Variants in F11R observed in about 807,000 individuals in gnomAD.
F11R encodes the protein junctional adhesion molecule A.
A neutral mutation model predicts 39.3 loss-of-function variants in F11R; 27 were observed. That is an observed-to-expected ratio of 0.69 (90% CI 0.51 to 0.95). The LOEUF (loss-of-function observed/expected upper bound fraction) is 0.95, where lower values mean the gene tolerates loss of function less well. Among genes scored for constraint, F11R ranks in the 40% least tolerant of loss-of-function variants. F11R has a pLI of 0.00. For missense variants in F11R, 335 were observed against 372.7 expected, an observed-to-expected ratio of 0.90 and a Z score of 0.83; for synonymous variants, 131 against 144.9, an observed-to-expected ratio of 0.90 and a Z score of 0.69.
rs1324894529 is a variant in F11R, at chr1:161,001,130, G to A, written c.134-3C>T. ...GTAGGCACAGGACAACTTCACAGCT[G>A]CAGACAGGGTCAAAATGAGCCGAAG... is the stretch of plus-strand genomic sequence containing the variant. On this transcript the variant is annotated splice_polypyrimidine_tract_variant and splice_region_variant and intron_variant, in intron 2 of 9. Coordinates refer to ENST00000368026, the MANE Select transcript of F11R (RefSeq NM_016946.6). 6.2e-7 allele frequency: 1 copy of A among 1,613,676 alleles called. No individual in the cohort carries two copies.
chr1:161,001,197 A>G lies in F11R; in HGVS notation c.134-70T>C, dbSNP rs576583526. 1.0e-5 allele frequency: 16 copies of G among 1,595,710 alleles called. No homozygotes were observed. In the African/African-American group the frequency reaches 1.7e-4, roughly 17 times the overall value. ...ATACACGAGATGGGGAACAGCCCCA[A>G]ACTGCAGGCTGGGCTGGGTGCTCTC... On this transcript the variant is annotated intron_variant, in intron 2 of 9. Coordinates refer to ENST00000368026, the MANE Select transcript of F11R (RefSeq NM_016946.6).
intron 1 of F11R, among the ~76,000 whole-genome samples, chr1:161,006,569 C>G (rs1370134623): frequency 6.6e-6 from 1 of 152,172 alleles, no homozygotes; most frequent in Non-Finnish European, 1.5e-5. Flanking sequence ...GCATATTACC[C>G]TTTTCTTCAT....
chr1:161,010,098 T>G (rs994140344), intron 1 of F11R, among the ~76,000 whole-genome samples: 2 of 149,858 alleles, frequency 1.3e-5, no homozygotes, highest in Non-Finnish European at 3.0e-5. Context: ...CCATTGAAGA[T>G]TGAAGTACTA....
chr1:160,998,980 G>A, intron 9 of F11R, 63 bp downstream of exon 9: 1 of 1,613,412 alleles, frequency 6.2e-7, no homozygotes, highest in Non-Finnish European at 8.5e-7. Flanking sequence ...CATAAACATG[G>A]GCTAGAAATC....
intron 1 of F11R, among the ~76,000 whole-genome samples, chr1:161,020,284 T>C (rs1314223164): frequency 1.3e-5 from 2 of 152,104 alleles, no homozygotes; most frequent in Non-Finnish European, 2.9e-5. Context: ...CTGATGAGAA[T>C]CCAGCCAACC....
chr1:160,997,753 A>T lies in F11R; in HGVS notation c.*1118T>A, dbSNP rs1648212685. 1 of 152,970 alleles carries T rather than the reference A, an allele frequency of 6.5e-6. No homozygotes were observed. The highest frequency in any genetic ancestry group is 6.5e-5 in the Admixed American group (1 of 15,294). The allele number at this position is 152,970 out of a possible 1,614,324, so 9.5% of individuals were successfully genotyped here. ...ATTCAGCTGATACAAACACATAGAA[A>T]TACAATCTCACCAAAGAGCTAAGAA... On this transcript the variant is annotated 3_prime_UTR_variant, in exon 10 of 10. Coordinates refer to ENST00000368026, the MANE Select transcript of F11R (RefSeq NM_016946.6).
At chr1:161,000,518 T>C in intron 4 of F11R, 113 bp downstream of exon 4, 1 of 1,506,332 alleles carries the variant, frequency 6.6e-7, no homozygotes, top group Non-Finnish European at 9.1e-7. Context: ...GCTCCAGGAC[T>C]CTGAATAGCC....
rs1163105685 is a variant in F11R at position 160,997,006 on chromosome 1, A to G, written c.*1865T>C. On this transcript the variant is annotated 3_prime_UTR_variant, in exon 10 of 10. Coordinates refer to ENST00000368026, the MANE Select transcript of F11R (RefSeq NM_016946.6). ...GATAGGGCAAAGTCGCACTTAGTAT[A>G]TCCTCCACAGAAAGAAAGAAGCAAA... 1 of 152,378 alleles carries G rather than the reference A, an allele frequency of 6.6e-6. No individual in the cohort carries two copies. The highest frequency in any genetic ancestry group is 1.5e-5 in the Non-Finnish European group (1 of 68,048). The allele number at this position is 152,378 out of a possible 1,614,324, so 9.4% of individuals were successfully genotyped here. A position where few individuals can be genotyped will look rare whatever the true frequency, so the allele number is the denominator to read the frequency against.
At chr1:161,007,603 G>A (rs943004892) in intron 1 of F11R, among the ~76,000 whole-genome samples, 2 of 152,200 alleles carry the variant, frequency 1.3e-5, no homozygotes, top group African/African-American at 4.8e-5. Context: ...TCAAAGGGCT[G>A]TTCTGAAGGC....
chr1:161,011,050 G>T (rs1466088746), intron 1 of F11R, among the ~76,000 whole-genome samples: 4 of 146,920 alleles, frequency 2.7e-5, no homozygotes, highest in African/African-American at 1.0e-4. Context: ...CGTTTTTTTT[G>T]GAAACTGAGT....
intron 1 of F11R, among the ~76,000 whole-genome samples, chr1:161,014,691 G>A (rs1379812283): frequency 6.6e-6 from 1 of 152,138 alleles, no homozygotes; most frequent in Non-Finnish European, 1.5e-5. Flanking sequence ...TGTAATCCCA[G>A]CACTTTGGGA....
chr1:160,999,258 A>G (rs1474620288), intron 8 of F11R, 138 bp downstream of exon 8: 2 of 1,431,956 alleles, frequency 1.4e-6, no homozygotes, highest in Non-Finnish European at 2.0e-6. Flanking sequence ...CCACAGAGAA[A>G]GGGCTGGATA....
At chr1:161,000,973 A>C in intron 3 of F11R, 47 bp downstream of exon 3, 1 of 1,548,410 alleles carries the variant, frequency 6.5e-7, no homozygotes, top group Non-Finnish European at 8.9e-7. Context: ...CAGGCATGAT[A>C]ATCCCTCCAC....
chr1:161,000,879 C>A lies in F11R; in HGVS notation c.242-102G>T, dbSNP rs1043562790. ...GTACGCAAGTGCTCTCCTCTTCCCC[C>A]AGAAAGGGGGGTAGGAAGGCCATGA... On this transcript the variant is annotated intron_variant, in intron 3 of 9. Transcript: ENST00000368026. 5.3e-6 allele frequency: 8 copies of A among 1,523,660 alleles called. No homozygotes were observed. In the Admixed American group the frequency reaches 1.4e-4, roughly 27 times the overall value. The allele number at this position is 1,523,660 out of a possible 1,614,324, so 94.4% of individuals were successfully genotyped here. A position where few individuals can be genotyped will look rare whatever the true frequency, so the allele number is the denominator to read the frequency against.
chr1:161,004,884 A>C (rs1648711846), intron 1 of F11R, among the ~76,000 whole-genome samples: 1 of 151,898 alleles, frequency 6.6e-6, no homozygotes, highest in East Asian at 1.9e-4. Context: ...ATGGAGGCTG[A>C]GCACGGTAGC....
chr1:161,008,004 A>G (rs1648922301), intron 1 of F11R, among the ~76,000 whole-genome samples: 1 of 152,082 alleles, frequency 6.6e-6, no homozygotes. Flanking sequence ...TTTGCACTTA[A>G]CCTTGGGCCC....
At chr1:161,017,484 A>G (rs1649528739) in intron 1 of F11R, among the ~76,000 whole-genome samples, 1 of 152,210 alleles carries the variant, frequency 6.6e-6, no homozygotes, top group African/African-American at 2.4e-5. Context: ...GTTTATGTGT[A>G]TGCATATCTA....
intron 1 of F11R, among the ~76,000 whole-genome samples, chr1:161,019,154 G>A (rs12401336): frequency 0.21 from 32,237 of 151,924 alleles, 4,112 homozygotes; most frequent in Middle Eastern, 0.29. Context: ...ACAGTACAAA[G>A]GTTGGAAAAA....
chr1:160,997,517 T>A lies in F11R; in HGVS notation c.*1354A>T, dbSNP rs1347607455. The A allele has an allele frequency of 6.6e-6, 1 of 152,560 alleles. No homozygotes were observed. Among genetic ancestry groups the A allele is most frequent in the African/African-American group, 2.4e-5 (1 of 41,422 alleles). The allele number at this position is 152,560 out of a possible 1,614,324, so 9.5% of individuals were successfully genotyped here. ...GCCTGGCCACAAGAGGGCTCTGGAA[T>A]GAAGGCCTGAAATTCAGAAGCTCTG... On this transcript the variant is annotated 3_prime_UTR_variant, in exon 10 of 10. Coordinates refer to ENST00000368026, the MANE Select transcript of F11R (RefSeq NM_016946.6).
Sources: allele counts gnomAD v4.1 joint callset (sites outside exome capture counted in the v4.1 genomes callset), GRCh38; gene constraint gnomAD v4.1.1; transcripts MANE v1.5; gene names NCBI Gene and HGNC (gene_info 2026-07-23, HGNC 2026-07-21).